The following OTUD4 variants were observed in gnomAD, a reference collection of about 807,000 sequenced individuals.
The protein encoded by OTUD4 is OTU domain-containing protein 4.
A neutral mutation model predicts 130.4 loss-of-function variants in OTUD4; 24 were observed. That is an observed-to-expected ratio of 0.18 (90% CI 0.13 to 0.26). The LOEUF is 0.26. Among genes scored for constraint, OTUD4 ranks in the 10% least tolerant of loss-of-function variants. The pLI is 1.00. For missense variants in OTUD4, 1,031 were observed against 1,329.4 expected (o/e 0.78, Z 3.49); for synonymous variants, 420 against 472.5 (o/e 0.89, Z 1.44).
intron 7 of OTUD4, among the ~76,000 whole-genome samples, chr4:145,157,684 CAAAAA>C (rs923938636): frequency 4.5e-5 from 2 of 44,086 alleles, no homozygotes; most frequent in Non-Finnish European, 9.4e-5. Flanking sequence ...AACTCCGTCT[CAAAAA>C]AAAAAAAAAA....
At chr4:145,159,274 G>A (rs1751438891) in intron 7 of OTUD4, 29 of 1,329,242 alleles carry the variant, frequency 2.2e-5, no homozygotes, top group South Asian at 5.0e-5. Flanking sequence ...GATTGCAGAC[G>A]TAAATTCTCA....
intron 8 of OTUD4, 52 bp downstream of exon 8, chr4:145,155,884 A>G (rs1024560531): frequency 5.0e-6 from 7 of 1,397,928 alleles, no homozygotes; most frequent in African/African-American, 1.4e-5. Context: ...TTTAATGTAC[A>G]TGCTTTCTTA....
chr4:145,175,188 T>C (rs1471273996), intron 1 of OTUD4, among the ~76,000 whole-genome samples: 3 of 152,254 alleles, frequency 2.0e-5, no homozygotes. Context: ...AGAGGCCGAT[T>C]TATTTTTCCC....
At chr4:145,153,168 A>G (rs1330057981) in intron 10 of OTUD4, among the ~76,000 whole-genome samples, 1 of 152,102 alleles carries the variant, frequency 6.6e-6, no homozygotes, top group African/African-American at 2.4e-5. Flanking sequence ...AAGAAAGAAA[A>G]CCTTTTCTTC....
intron 1 of OTUD4, 156 bp downstream of exon 1, chr4:145,179,659 C>G (rs935205155): frequency 7.1e-7 from 1 of 1,404,334 alleles, no homozygotes; most frequent in Non-Finnish European, 9.2e-7. Context: ...AAAGCAGCGT[C>G]CCACTCCGGC....
At chr4:145,170,220 C>T (rs1402070086) in intron 3 of OTUD4, among the ~76,000 whole-genome samples, 2 of 152,208 alleles carry the variant, frequency 1.3e-5, no homozygotes, top group African/African-American at 2.4e-5. Context: ...AGATAACCTA[C>T]AGATCACACT....
At chr4:145,176,787 T>C (rs1752449722) in intron 1 of OTUD4, among the ~76,000 whole-genome samples, 2 of 152,198 alleles carry the variant, frequency 1.3e-5, no homozygotes, top group Non-Finnish European at 2.9e-5. Context: ...GCTCCAGCTG[T>C]GCATTCTACA....
In OTUD4 at chr4:145,134,923, A is replaced by G. The variant is rs1220561766; in HGVS notation, c.*2507T>C. ...AATTTCCAACTCAAAAATACAAATGATCCTCAGTTCTATACTTTTGCCTCT... is the reference window on the plus strand; with the variant it reads ...AATTTCCAACTCAAAAATACAAATGGTCCTCAGTTCTATACTTTTGCCTCT... On this transcript the variant is annotated 3_prime_UTR_variant, in exon 21 of 21. Transcript: ENST00000447906. The G allele has an allele frequency of 2.5e-6, 1 of 398,730 alleles. No homozygotes were observed. The highest frequency in any genetic ancestry group is 2.1e-5 in the African/African-American group (1 of 48,618). The allele number at this position is 398,730 out of a possible 1,614,324, so 24.7% of individuals were successfully genotyped here.
intron 3 of OTUD4, among the ~76,000 whole-genome samples, chr4:145,166,329 A>C (rs1751872466): frequency 6.6e-6 from 1 of 152,162 alleles, no homozygotes; most frequent in Non-Finnish European, 1.5e-5. Context: ...TAGAAAAGTC[A>C]CTTAAAGCCT....
At chr4:145,158,354 C>T (rs1164340818) in intron 7 of OTUD4, among the ~76,000 whole-genome samples, 2 of 151,732 alleles carry the variant, frequency 1.3e-5, no homozygotes, top group Admixed American at 6.6e-5. Context: ...TGGTGGCGGG[C>T]GCCTGTAGTC....
chr4:145,141,871 C>A (rs1397822876), intron 18 of OTUD4, among the ~76,000 whole-genome samples: 1 of 151,962 alleles, frequency 6.6e-6, no homozygotes, highest in Non-Finnish European at 1.5e-5. Context: ...GGACATGGGG[C>A]TGGTCAAGGG....
At chr4:145,154,077 C>T (rs1751176158) in intron 10 of OTUD4, among the ~76,000 whole-genome samples, 1 of 152,208 alleles carries the variant, frequency 6.6e-6, no homozygotes, top group African/African-American at 2.4e-5. Context: ...CAGTTTCAAC[C>T]TCAAAGGAAA....
At chr4:145,141,848 G>A (rs1750580180) in intron 18 of OTUD4, among the ~76,000 whole-genome samples, 1 of 152,124 alleles carries the variant, frequency 6.6e-6, no homozygotes, top group Non-Finnish European at 1.5e-5. Context: ...AGTAGCTCTT[G>A]CAGGCACGTG....
chr4:145,179,490 A>T, intron 1 of OTUD4: 1 of 578,932 alleles, frequency 1.7e-6, no homozygotes, highest in Non-Finnish European at 2.3e-6. Context: ...GCGGAACAAA[A>T]GTAAAAAATA....
intron 3 of OTUD4, among the ~76,000 whole-genome samples, chr4:145,165,441 T>C (rs1751803075): frequency 6.6e-6 from 1 of 152,044 alleles, no homozygotes; most frequent in South Asian, 2.1e-4. Flanking sequence ...CAGTTCCTAT[T>C]GGTGTGGCAA....
In OTUD4 at chr4:145,179,801, C is replaced by G. The variant is rs1191650225; in HGVS notation, c.159+14G>C. On this transcript the variant is annotated intron_variant, in intron 1 of 20. Coordinates refer to ENST00000447906, the MANE Select transcript of OTUD4 (RefSeq NM_001366057.1). Reference sequence around the variant, plus strand: ...CGCCTCCCCTCGAAGCCCTCCCCGCCCCCCCGCAATTACCTGCTCCGCCAC... The same window carrying G: ...CGCCTCCCCTCGAAGCCCTCCCCGCGCCCCCGCAATTACCTGCTCCGCCAC... 2.7e-6 allele frequency: 4 copies of G among 1,508,300 alleles called. No homozygotes were observed. The highest frequency in any genetic ancestry group is 2.0e-5 in the Admixed American group (1 of 49,414). 93.4% of individuals were successfully genotyped at this position (1,508,300 alleles called of 1,614,324 possible).
At chr4:145,148,476 G>A (rs539776471) in intron 13 of OTUD4, among the ~76,000 whole-genome samples, 1 of 150,294 alleles carries the variant, frequency 6.7e-6, no homozygotes, top group Non-Finnish European at 1.5e-5. Flanking sequence ...TCCAGCCTGG[G>A]CAACAAGAGT....
chr4:145,151,368 G>C (rs916458204), intron 11 of OTUD4, among the ~76,000 whole-genome samples: 2 of 152,180 alleles, frequency 1.3e-5, no homozygotes, highest in African/African-American at 4.8e-5. Flanking sequence ...AGGTGCAGTG[G>C]CTCATGCCTG....
At chr4:145,158,638 C>T (rs1260102755) in intron 7 of OTUD4, among the ~76,000 whole-genome samples, 1 of 152,094 alleles carries the variant, frequency 6.6e-6, no homozygotes, top group African/African-American at 2.4e-5. Flanking sequence ...ATACCAAGTA[C>T]AATCCTTTCA....
Sources: allele counts gnomAD v4.1 joint callset (sites outside exome capture counted in the v4.1 genomes callset), GRCh38; gene constraint gnomAD v4.1.1; transcripts MANE v1.5; gene names NCBI Gene and HGNC (gene_info 2026-07-23, HGNC 2026-07-21).